C6: variants seen among roughly 807,000 people sequenced by gnomAD.
The protein encoded by C6 is complement C6.
C6 carries 101 observed loss-of-function variants against 112.9 expected under a neutral mutation model. The observed-to-expected ratio is 0.89, with a 90% CI of 0.76 to 1.06. The LOEUF (loss-of-function observed/expected upper bound fraction) is 1.06, where lower values mean the gene tolerates loss of function less well. Ranked by LOEUF, C6 falls within the 50% of genes least tolerant of loss-of-function variation. C6 has a pLI of 0.00. For missense variants in C6, 1,202 were observed against 1,104.6 expected (o/e 1.09, Z -1.25); for synonymous variants, 431 against 384.1 (o/e 1.12, Z -1.43).
chr5:41,204,136 A>G (rs1242529850), intron 1 of C6, among the ~76,000 whole-genome samples: 1 of 152,246 alleles, frequency 6.6e-6, no homozygotes, highest in East Asian at 1.9e-4. Context: ...ATGCATACAT[A>G]TCAATAATTC....
At chr5:41,146,181 T>G (rs571928249) in intron 17 of C6, among the ~76,000 whole-genome samples, 1 of 152,342 alleles carries the variant, frequency 6.6e-6, no homozygotes, top group South Asian at 2.1e-4. Flanking sequence ...TTCCCGTTCC[T>G]GTCGGTTGGT....
intron 1 of C6, among the ~76,000 whole-genome samples, chr5:41,242,947 A>T (rs2150427890): frequency 6.6e-6 from 1 of 152,036 alleles, no homozygotes; most frequent in South Asian, 2.1e-4. Context: ...ACCTAAAACA[A>T]TGGAACTCAT....
intron 8 of C6, among the ~76,000 whole-genome samples, chr5:41,173,726 A>G (rs1748617196): frequency 6.6e-6 from 1 of 151,656 alleles, no homozygotes; most frequent in African/African-American, 2.4e-5. Flanking sequence ...GAAGGCATAG[A>G]TCGCTGAGAA....
intron 1 of C6, among the ~76,000 whole-genome samples, chr5:41,243,003 G>A (rs767314561): frequency 2.0e-4 from 30 of 152,116 alleles, no homozygotes; most frequent in Non-Finnish European, 3.1e-4. Flanking sequence ...GGGATGGGAG[G>A]AGGAATGGGA....
chr5:41,200,036 C>G, intron 3 of C6, 124 bp from the exon 4 acceptor site: 1 of 849,248 alleles, frequency 1.2e-6, no homozygotes, highest in Non-Finnish European at 1.9e-6. Flanking sequence ...TATATTTTTA[C>G]TAATGATTCT....
chr5:41,161,723 C>G lies in C6; in HGVS notation c.1428G>C (p.Val476=). ...EKTFSEWLES[V]KENPAVIDFE... is the part of the protein sequence containing the mutation. ...AGTCAATCACAGCAGGATTTTCCTT[C>G]ACTGATTCTAACCACTCAGAAAATG... The change falls in exon 10 of 18, where the codon GTG becomes GTC. Residue 476 remains valine, a synonymous_variant. Transcript: ENST00000337836. 6.2e-7 allele frequency: 1 copy of G among 1,613,552 alleles called. No individual in the cohort carries two copies. Among genetic ancestry groups the G allele is most frequent in the Non-Finnish European group, 8.5e-7 (1 of 1,179,622 alleles).
At chr5:41,254,744 A>G (rs1442178562) in intron 1 of C6, among the ~76,000 whole-genome samples, 4 of 152,222 alleles carry the variant, frequency 2.6e-5, no homozygotes, top group African/African-American at 4.8e-5. Context: ...CAAATTGACA[A>G]CATTTTATCT....
At chr5:41,225,538 G>A (rs1433970078) in intron 1 of C6, among the ~76,000 whole-genome samples, 1 of 152,178 alleles carries the variant, frequency 6.6e-6, no homozygotes, top group Non-Finnish European at 1.5e-5. Flanking sequence ...ACGAATGCAT[G>A]TGTCTTTATA....
intron 14 of C6, among the ~76,000 whole-genome samples, chr5:41,154,709 G>A (rs1277429107): frequency 6.6e-6 from 1 of 152,172 alleles, no homozygotes; most frequent in Non-Finnish European, 1.5e-5. Flanking sequence ...AGACTTCCTG[G>A]ATTTCTTTTG....
At chr5:41,203,689 T>A (rs2150370738) in intron 1 of C6, 1 of 181,042 alleles carries the variant, frequency 5.5e-6, no homozygotes, top group Non-Finnish European at 1.2e-5. Context: ...CTGGAAGCTC[T>A]TTTTCATTTC....
At chr5:41,224,278 T>A (rs1160070487) in intron 1 of C6, among the ~76,000 whole-genome samples, 1 of 152,204 alleles carries the variant, frequency 6.6e-6, no homozygotes, top group Non-Finnish European at 1.5e-5. Context: ...TGCACCCATT[T>A]AATGTGTACA....
intron 5 of C6, among the ~76,000 whole-genome samples, chr5:41,191,871 C>T (rs2150346784): frequency 6.6e-6 from 1 of 151,064 alleles, no homozygotes; most frequent in Non-Finnish European, 1.5e-5. Flanking sequence ...ATTTGACTTA[C>T]TCCTTTCCAG....
At chr5:41,251,790 A>G (rs1390638514) in intron 1 of C6, among the ~76,000 whole-genome samples, 4 of 152,212 alleles carry the variant, frequency 2.6e-5, no homozygotes, top group Non-Finnish European at 5.9e-5. Context: ...GATACTAGGT[A>G]GTTCAGGGAT....
At chr5:41,222,536 G>C (rs1739243933) in intron 1 of C6, among the ~76,000 whole-genome samples, 1 of 151,990 alleles carries the variant, frequency 6.6e-6, no homozygotes. Context: ...CAATTACAAT[G>C]TAAAGTTTCT....
intron 1 of C6, among the ~76,000 whole-genome samples, chr5:41,241,897 C>G (rs1377435352): frequency 6.6e-6 from 1 of 151,982 alleles, no homozygotes; most frequent in African/African-American, 2.4e-5. Context: ...GACCAGTGTC[C>G]CCATCATTCC....
At chr5:41,181,724 G>T (rs1209055334) in intron 6 of C6, among the ~76,000 whole-genome samples, 165 bp from the exon 7 acceptor site, 1 of 152,174 alleles carries the variant, frequency 6.6e-6, no homozygotes, top group Non-Finnish European at 1.5e-5. Flanking sequence ...GCACTGAGGG[G>T]TTAATAGTTT....
intron 1 of C6, among the ~76,000 whole-genome samples, chr5:41,245,462 A>T (rs187903851): frequency 3.9e-5 from 6 of 152,106 alleles, no homozygotes; most frequent in Non-Finnish European, 7.4e-5. Context: ...TGGAGATTGC[A>T]GTGAACTGAG....
chr5:41,240,495 C>CA (rs1192915357), intron 1 of C6, among the ~76,000 whole-genome samples: 1 of 152,150 alleles, frequency 6.6e-6, no homozygotes, highest in African/African-American at 2.4e-5. Flanking sequence ...CTTGGGCTTT[C>CA]AGGCAGCATT....
intron 1 of C6, among the ~76,000 whole-genome samples, chr5:41,206,965 G>C (rs968847489): frequency 2.6e-5 from 4 of 152,178 alleles, no homozygotes; most frequent in Admixed American, 6.5e-5. Context: ...AATGTTAAGG[G>C]CAGCCAGAGA....
Sources: allele counts gnomAD v4.1 joint callset (sites outside exome capture counted in the v4.1 genomes callset), GRCh38; gene constraint gnomAD v4.1.1; transcripts MANE v1.5; gene names NCBI Gene and HGNC (gene_info 2026-07-23, HGNC 2026-07-21).